PTCD3: variants seen among roughly 807,000 people sequenced by gnomAD.
PTCD3 encodes the protein small ribosomal subunit protein mS39.
A neutral mutation model predicts 101.9 loss-of-function variants in PTCD3; 89 were observed. The observed-to-expected ratio is 0.87, with a 90% confidence interval of 0.74 to 1.04. The LOEUF is 1.04. Among genes scored for constraint, PTCD3 ranks in the 50% least tolerant of loss-of-function variants. PTCD3 has a pLI of 0.00. For synonymous variants in PTCD3, 296 were observed against 278.5 expected, an observed-to-expected ratio of 1.06 and a Z score of -0.63; for missense variants, 870 against 828.2, an observed-to-expected ratio of 1.05 and a Z score of -0.62.
chr2:86,124,911 A>C, intron 9 of PTCD3, 84 bp from the exon 10 acceptor site: 1 of 1,545,312 alleles, frequency 6.5e-7, no homozygotes. Context: ...CATTGCCTAG[A>C]ACATAATAAA....
At chr2:86,116,731 T>C in intron 5 of PTCD3, 133 bp downstream of exon 5, 1 of 705,142 alleles carries the variant, frequency 1.4e-6, no homozygotes, top group Non-Finnish European at 2.4e-6. Flanking sequence ...GTGAATCCTT[T>C]ACTACTTTCT....
chr2:86,129,153 T>A lies in PTCD3; in HGVS notation c.1147+1162T>A, dbSNP rs556619218. ...CAGGTAAACAGTTTCCATAATTGTG[T>A]CCCCTAAAATTTTACTCAACCTTGG... is the stretch of plus-strand genomic sequence containing the variant. On this transcript the variant is annotated intron_variant, in intron 14 of 23. Transcript: ENST00000254630. 6.6e-5 allele frequency among the ~76,000 whole-genome samples: 10 copies of A among 152,314 alleles called. No individual in the cohort carries two copies. The East Asian group carries it at 1.9e-3, about 29-fold the overall frequency.
intron 17 of PTCD3, 195 bp from the exon 18 acceptor site, chr2:86,132,983 T>C (rs1558800107): frequency 1.4e-6 from 1 of 738,228 alleles, no homozygotes; most frequent in Non-Finnish European, 2.1e-6. Context: ...AAATGACCAG[T>C]TGAGGGTAGG....
chr2:86,110,887 T>C (rs1163197800), intron 3 of PTCD3: 1 of 729,826 alleles, frequency 1.4e-6, no homozygotes, highest in Non-Finnish European at 2.5e-6. Flanking sequence ...TATGGCATTA[T>C]GCACCAGGCC....
chr2:86,140,097 T>C lies in PTCD3; in HGVS notation c.*2538T>C, dbSNP rs531312900. The C allele has an allele frequency of 6.6e-6, 1 of 152,330 alleles. No homozygotes were observed. Among genetic ancestry groups the C allele is most frequent in the African/African-American group, 2.4e-5 (1 of 41,578 alleles). The allele number at this position is 152,330 out of a possible 1,614,324, so 9.4% of individuals were successfully genotyped here. ...AATGAATGCCACCAACTCTGCAAAG[T>C]ATTCATTGATTTTGAGACCTTAGTC... On this transcript the variant is annotated 3_prime_UTR_variant, in exon 24 of 24. Coordinates refer to ENST00000254630, the MANE Select transcript of PTCD3 (RefSeq NM_017952.6).
rs1488359131 is a variant in PTCD3 at position 86,133,337 on chromosome 2, C to T, written c.1453-9C>T. Reference sequence around the variant, plus strand: ...ATTAATGCTTTAAAAATGTGTTTCTCTTAATCAGGCCTACTTTCCCCACTC... The same window carrying T: ...ATTAATGCTTTAAAAATGTGTTTCTTTTAATCAGGCCTACTTTCCCCACTC... On this transcript the variant is annotated splice_polypyrimidine_tract_variant and intron_variant, in intron 18 of 23. Transcript: ENST00000254630. 3 of 1,613,944 alleles carry T rather than the reference C, an allele frequency of 1.9e-6. No homozygotes were observed. The highest frequency in any genetic ancestry group is 2.5e-6 in the Non-Finnish European group (3 of 1,179,992).
Position 86,137,067 on chromosome 2 carries a change from G to C in PTCD3, c.1906G>C (p.Ala636Pro), listed in dbSNP as rs1171403727. 3.1e-6 allele frequency: 5 copies of C among 1,613,266 alleles called. No homozygotes were observed. In the East Asian group the frequency reaches 8.9e-5, roughly 29 times the overall value. ...CATTGAAGTAGTAGAGCTGGCAAGT[G>C]CCTTCAGCTTACCTATTTGTGAGGG... ...QAIEVVELAS[A>P]FSLPICEGLT... is the part of the protein sequence containing the mutation. The change falls in exon 23 of 24, where the codon GCC becomes CCC. Residue 636 changes from alanine to proline, a missense_variant. By Grantham distance (27) the Ala-to-Pro change is conservative. Coordinates refer to ENST00000254630, the MANE Select transcript of PTCD3 (RefSeq NM_017952.6).
chr2:86,111,071 G>A lies in PTCD3; in HGVS notation c.195-42G>A, dbSNP rs769937852. ...AATCACTTGTTCGGTTTGTGGCTAT[G>A]AAGAGCCCTGATGAGGATTAACTTG... On this transcript the variant is annotated intron_variant, in intron 3 of 23. Coordinates refer to ENST00000254630, the MANE Select transcript of PTCD3 (RefSeq NM_017952.6). 20 of 1,570,636 alleles carry A rather than the reference G, an allele frequency of 1.3e-5. No homozygotes were observed. The Middle Eastern group carries it at 1.3e-3, about 105-fold the overall frequency.
chr2:86,108,087 C>G (rs568063351), intron 1 of PTCD3, among the ~76,000 whole-genome samples: 14 of 149,980 alleles, frequency 9.3e-5, no homozygotes, highest in African/African-American at 3.4e-4. Flanking sequence ...AATTGCACTA[C>G]TTCACTAAAG....
intron 7 of PTCD3, among the ~76,000 whole-genome samples, chr2:86,121,168 A>C (rs1420582735): frequency 6.6e-6 from 1 of 152,184 alleles, no homozygotes; most frequent in Non-Finnish European, 1.5e-5. Flanking sequence ...CAGTGTGTTC[A>C]GTTTGGTGAT....
At chr2:86,127,012 A>C in intron 12 of PTCD3, 149 bp from the exon 13 acceptor site, 2 of 646,802 alleles carry the variant, frequency 3.1e-6, no homozygotes, top group Non-Finnish European at 5.1e-6. Context: ...GAACCTGCTA[A>C]TTAATAAACA....
rs376564453 is a variant in PTCD3, at chr2:86,133,272, A to G, written c.1452+16A>G. The G allele has an allele frequency of 4.3e-6, 7 of 1,614,042 alleles. No homozygotes were observed. The highest frequency in any genetic ancestry group is 5.9e-6 in the Non-Finnish European group (7 of 1,179,966). ...GATACCTTCAGTAAGATGGTTCATT[A>G]CTTGTTATTTATCATTCTAGATGAA... On this transcript the variant is annotated intron_variant, in intron 18 of 23. Coordinates refer to ENST00000254630, the MANE Select transcript of PTCD3 (RefSeq NM_017952.6).
chr2:86,130,706 A>C lies in PTCD3; in HGVS notation c.1206A>C (p.Gly402=), dbSNP rs141496167. ...ATGATATAATGAATGAATTAATGGG[A>C]AAGAGATTTTCTCCAAAGGACCCGG... ...IIYDIMNELM[G]KRFSPKDPDD... The change falls in exon 15 of 24, where the codon GGA becomes GGC. Residue 402 remains glycine (G), a synonymous_variant. Transcript: ENST00000254630. 1 of 1,613,680 alleles carries C rather than the reference A, an allele frequency of 6.2e-7. No individual in the cohort carries two copies. Among genetic ancestry groups the C allele is most frequent in the Non-Finnish European group, 8.5e-7 (1 of 1,179,876 alleles).
intron 11 of PTCD3, 73 bp from the exon 12 acceptor site, chr2:86,125,722 C>A: frequency 4.2e-6 from 5 of 1,199,646 alleles, no homozygotes; most frequent in Non-Finnish European, 6.0e-6. Flanking sequence ...ATAGGAATGA[C>A]TGCTTTGCCT....
chr2:86,126,229 C>CAAAAAA (rs71377064), intron 12 of PTCD3, among the ~76,000 whole-genome samples: 6 of 59,062 alleles, frequency 1.0e-4, no homozygotes, highest in Admixed American at 2.1e-4. Flanking sequence ...GACTCCGTCT[C>CAAAAAA]AAAAAAAAAA....
chr2:86,121,610 C>G lies in PTCD3; in HGVS notation c.654+16C>G. 6.6e-7 allele frequency: 1 copy of G among 1,521,154 alleles called. No homozygotes were observed. The highest frequency in any genetic ancestry group is 8.9e-7 in the Non-Finnish European group (1 of 1,122,782). 94.2% of individuals were successfully genotyped at this position (1,521,154 alleles called of 1,614,324 possible). ...AGAAGCATTGGTAATAACTGTTGGC[C>G]TTGATTTTTTTTTTTCCTTAAGCTT... On this transcript the variant is annotated intron_variant, in intron 8 of 23. Coordinates refer to ENST00000254630, the MANE Select transcript of PTCD3 (RefSeq NM_017952.6).
chr2:86,133,429 T>A lies in PTCD3; in HGVS notation c.1536T>A (p.Ile512=), dbSNP rs1674528240. ...VANRLEVIPK[I]WKDSKEYGHT... ...ATCGGCTAGAAGTGATTCCTAAAAT[T>A]TGGAAAGGTCAGTTTTACTTTTTAT... The change falls in exon 19 of 24, where the codon ATT becomes ATA. Residue 512 remains isoleucine (I), a synonymous_variant. Coordinates refer to ENST00000254630, the MANE Select transcript of PTCD3 (RefSeq NM_017952.6). The A allele has an allele frequency of 6.2e-7, 1 of 1,612,780 alleles. No homozygotes were observed.
At chr2:86,122,698 C>A (rs901763334) in intron 8 of PTCD3, among the ~76,000 whole-genome samples, 8 of 152,180 alleles carry the variant, frequency 5.3e-5, no homozygotes, top group Admixed American at 5.2e-4. Context: ...GATTACTGAC[C>A]ACTGCACCTG....
intron 13 of PTCD3, 155 bp from the exon 14 acceptor site, chr2:86,127,786 A>G (rs1320323996): frequency 3.1e-6 from 2 of 642,064 alleles, no homozygotes; most frequent in Non-Finnish European, 5.4e-6. Flanking sequence ...TACATTAATG[A>G]GTTGGAAAAT....
Sources: allele counts gnomAD v4.1 joint callset (sites outside exome capture counted in the v4.1 genomes callset), GRCh38; gene constraint gnomAD v4.1.1; transcripts MANE v1.5; gene names NCBI Gene and HGNC (gene_info 2026-07-23, HGNC 2026-07-21).